Variants in RAB30 observed in about 807,000 individuals in gnomAD.
RAB30 encodes the protein RAB30, member RAS oncogene family.
In RAB30, 9 loss-of-function variants were observed where a neutral mutation model predicts 25.1. That is an observed-to-expected ratio of 0.36 (90% CI 0.22 to 0.63). The LOEUF (loss-of-function observed/expected upper bound fraction) is 0.63. RAB30 is among the 20% of genes least tolerant of loss of function. RAB30 has a pLI of 0.69. For synonymous variants in RAB30, 77 were observed against 86.4 expected (o/e 0.89, Z 0.60); for missense variants, 140 against 243.5 (o/e 0.58, Z 2.83).
At chr11:83,028,276 C>A (rs1309649193) in intron 1 of RAB30, among the ~76,000 whole-genome samples, 1 of 151,970 alleles carries the variant, frequency 6.6e-6, no homozygotes, top group East Asian at 1.9e-4. Flanking sequence ...AAATCGAAAT[C>A]TTCTAAAGAA....
At chr11:83,042,006 G>T (rs981493315) in intron 1 of RAB30, among the ~76,000 whole-genome samples, 1 of 150,128 alleles carries the variant, frequency 6.7e-6, no homozygotes, top group East Asian at 2.0e-4. Flanking sequence ...CTCCAGCCTG[G>T]GCAACAGAGT....
At chr11:83,030,664 G>A (rs1004834852) in intron 1 of RAB30, among the ~76,000 whole-genome samples, 3 of 151,982 alleles carry the variant, frequency 2.0e-5, no homozygotes, top group African/African-American at 7.3e-5. Context: ...AGGCATGGTG[G>A]CACGCACCTG....
At chr11:83,044,525 T>C (rs1426787759) in intron 1 of RAB30, among the ~76,000 whole-genome samples, 1 of 152,186 alleles carries the variant, frequency 6.6e-6, no homozygotes, top group East Asian at 1.9e-4. Flanking sequence ...GATTTTTTTT[T>C]TAGAAATATC....
chr11:83,017,783 T>G (rs571130273), intron 1 of RAB30, among the ~76,000 whole-genome samples: 4 of 152,346 alleles, frequency 2.6e-5, no homozygotes, highest in African/African-American at 9.6e-5. Flanking sequence ...CATTGGTTGA[T>G]GGGCATTTAA....
At chr11:83,015,338 A>G (rs1857413051) in intron 1 of RAB30, among the ~76,000 whole-genome samples, 1 of 152,162 alleles carries the variant, frequency 6.6e-6, no homozygotes, top group African/African-American at 2.4e-5. Context: ...TTGAAGATAG[A>G]GAAGACAGAA....
Position 82,978,126 on chromosome 11 carries a change from G to C in RAB30, c.*4039C>G, listed in dbSNP as rs554272312. 1.3e-5 allele frequency: 2 copies of C among 152,206 alleles called. No individual in the cohort carries two copies. The highest frequency in any genetic ancestry group is 4.8e-5 in the African/African-American group (2 of 41,548). 9.4% of individuals were successfully genotyped at this position (152,206 alleles called of 1,614,324 possible). On this transcript the variant is annotated 3_prime_UTR_variant, in exon 5 of 5. Coordinates refer to ENST00000527633, the MANE Select transcript of RAB30 (RefSeq NM_001286060.2). Reference sequence around the variant, plus strand: ...TTGTTTCACAGCTTTTAATTCTTTAGCGAAGTCTCAAAAGTATCATAGTAT... The same window carrying C: ...TTGTTTCACAGCTTTTAATTCTTTACCGAAGTCTCAAAAGTATCATAGTAT...
intron 1 of RAB30, among the ~76,000 whole-genome samples, chr11:83,067,714 G>A (rs1442038448): frequency 4.6e-5 from 7 of 152,114 alleles, no homozygotes; most frequent in Admixed American, 2.6e-4. Flanking sequence ...AGTGTCGGCC[G>A]GGCATGGTGG....
intron 1 of RAB30, among the ~76,000 whole-genome samples, chr11:83,021,039 G>A (rs79033860): frequency 0.032 from 4,893 of 152,220 alleles, 150 homozygotes; most frequent in East Asian, 0.076. Context: ...ACCTGCCTGC[G>A]GAGAGGAGCT....
At chr11:83,014,693 A>AAAGAAAGAAAGAAAGAAAGAAAGAAG (rs1857392882) in intron 1 of RAB30, among the ~76,000 whole-genome samples, 3 of 143,974 alleles carry the variant, frequency 2.1e-5, no homozygotes, top group African/African-American at 8.1e-5. Flanking sequence ...AAAGAAAGAA[A>AAAGAAAGAAAGAAAGAAAGAAAGAAG]GAGAAAGGAA....
At chr11:83,029,552 C>A (rs777637297) in intron 1 of RAB30, among the ~76,000 whole-genome samples, 1 of 152,226 alleles carries the variant, frequency 6.6e-6, no homozygotes, top group Middle Eastern at 3.4e-3. Flanking sequence ...CAGGTATGAA[C>A]CTTAGCATCC....
chr11:83,052,787 T>C (rs1274369497), intron 1 of RAB30, among the ~76,000 whole-genome samples: 1 of 152,192 alleles, frequency 6.6e-6, no homozygotes, highest in African/African-American at 2.4e-5. Flanking sequence ...AGTTTTCCTT[T>C]GTTGGGGAGG....
chr11:83,018,297 CA>C (rs904843218), intron 1 of RAB30, among the ~76,000 whole-genome samples: 3,131 of 68,548 alleles, frequency 0.046, 35 homozygotes, highest in African/African-American at 0.064. Context: ...GACTCCATCT[CA>C]AAAAAAAAAA....
intron 1 of RAB30, among the ~76,000 whole-genome samples, chr11:83,030,333 C>CAA (rs35936173): frequency 8.7e-5 from 11 of 126,772 alleles, no homozygotes; most frequent in African/African-American, 2.3e-4. Flanking sequence ...CGCATCTCTT[C>CAA]AAAAAAAAAA....
At chr11:83,005,527 C>A (rs1331959274) in intron 1 of RAB30, among the ~76,000 whole-genome samples, 1 of 151,982 alleles carries the variant, frequency 6.6e-6, no homozygotes, top group Non-Finnish European at 1.5e-5. Flanking sequence ...GATTCAAAAC[C>A]CAGGTCTTTG....
At chr11:83,027,120 T>C (rs1857738748) in intron 1 of RAB30, among the ~76,000 whole-genome samples, 1 of 152,040 alleles carries the variant, frequency 6.6e-6, no homozygotes, top group Non-Finnish European at 1.5e-5. Context: ...AAAACAGAAA[T>C]ATCCAGCATT....
intron 1 of RAB30, among the ~76,000 whole-genome samples, chr11:83,014,632 GAAAAAGAA>G (rs1857377611): frequency 3.1e-5 from 2 of 63,824 alleles, no homozygotes; most frequent in Admixed American, 4.2e-4. Flanking sequence ...AAAGAAGTAA[GAAAAAGAA>G]AGAAAGAAAG....
intron 1 of RAB30, among the ~76,000 whole-genome samples, chr11:83,043,115 A>G (rs11233439): frequency 0.034 from 5,221 of 152,244 alleles, 264 homozygotes; most frequent in African/African-American, 0.11. Context: ...GGAGCATGTG[A>G]CTTGCTTTGA....
intron 4 of RAB30, among the ~76,000 whole-genome samples, chr11:82,985,020 C>T (rs1440210747): frequency 6.6e-6 from 1 of 152,230 alleles, no homozygotes; most frequent in East Asian, 1.9e-4. Flanking sequence ...CTCTGTTGCC[C>T]AGGCTGGAGT....
At chr11:82,991,506 CAAAAAAAAA>C (rs35298951) in intron 3 of RAB30, among the ~76,000 whole-genome samples, 1 of 65,872 alleles carries the variant, frequency 1.5e-5, no homozygotes, top group Non-Finnish European at 2.7e-5. Flanking sequence ...GACCCTTTCT[CAAAAAAAAA>C]AAAAAAAAAA....
Sources: gnomAD v4.1 joint callset for allele counts (sites outside exome capture counted in the v4.1 genomes callset) on GRCh38, gnomAD v4.1.1 for gene constraint, MANE v1.5 for transcripts, NCBI Gene and HGNC (gene_info 2026-07-23, HGNC 2026-07-21) for gene names.